Variants in RUNX1 observed in about 807,000 individuals in gnomAD.
RUNX1 encodes RUNX family transcription factor 1.
RUNX1 carries 19 observed loss-of-function variants against 42.8 expected under a neutral mutation model. That is an observed-to-expected ratio of 0.44 (90% confidence interval 0.31 to 0.65). The LOEUF (loss-of-function observed/expected upper bound fraction) is 0.65. RUNX1 is among the 30% of genes least tolerant of loss of function. The pLI, the probability that RUNX1 is intolerant of heterozygous loss-of-function variation, is 0.07. For missense variants in RUNX1, 528 were observed against 672.0 expected, an observed-to-expected ratio of 0.79 and a Z score of 2.37; for synonymous variants, 271 against 289.4, an observed-to-expected ratio of 0.94 and a Z score of 0.64.
At chr21:34,793,838 G>A (rs1171598075) in intron 8 of RUNX1, among the ~76,000 whole-genome samples, 2 of 152,036 alleles carry the variant, frequency 1.3e-5, no homozygotes, top group Non-Finnish European at 2.9e-5. Flanking sequence ...CGAGTAGCTG[G>A]GATTACAGGC....
At chr21:35,029,218 A>T (rs1290792573) in intron 2 of RUNX1, among the ~76,000 whole-genome samples, 2 of 152,198 alleles carry the variant, frequency 1.3e-5, no homozygotes, top group African/African-American at 2.4e-5. Context: ...AGTTAAAGGA[A>T]ATTTCAAGTG....
At chr21:34,850,927 C>A (rs911533000) in intron 6 of RUNX1, among the ~76,000 whole-genome samples, 3 of 152,196 alleles carry the variant, frequency 2.0e-5, no homozygotes, top group African/African-American at 7.2e-5. Context: ...TACCTGTCCT[C>A]TTTTGAGTAT....
intron 3 of RUNX1, among the ~76,000 whole-genome samples, chr21:34,892,552 A>G (rs2058091757): frequency 6.6e-6 from 1 of 152,212 alleles, no homozygotes; most frequent in African/African-American, 2.4e-5. Flanking sequence ...ATGCTTAGTA[A>G]ACATTTTACT....
intron 5 of RUNX1, among the ~76,000 whole-genome samples, chr21:34,877,338 G>T (rs2146340092): frequency 6.6e-6 from 1 of 152,156 alleles, no homozygotes; most frequent in African/African-American, 2.4e-5. Flanking sequence ...TCAATTTTTT[G>T]GGGGTGTCAT....
intron 5 of RUNX1, among the ~76,000 whole-genome samples, chr21:34,863,839 G>A (rs968975443): frequency 1.3e-5 from 2 of 151,950 alleles, no homozygotes; most frequent in African/African-American, 4.8e-5. Context: ...TTTAAGCACA[G>A]TCACAAGACA....
intron 4 of RUNX1, among the ~76,000 whole-genome samples, chr21:34,885,537 C>T (rs2057970569): frequency 6.6e-6 from 1 of 152,126 alleles, no homozygotes; most frequent in African/African-American, 2.4e-5. Flanking sequence ...GAAAAAGAGG[C>T]CAATCTATAG....
intron 2 of RUNX1, among the ~76,000 whole-genome samples, chr21:34,909,324 T>C (rs2058252320): frequency 6.6e-6 from 1 of 152,198 alleles, no homozygotes; most frequent in Non-Finnish European, 1.5e-5. Flanking sequence ...TGCTTGCTCA[T>C]ATCACTTATA....
At chr21:34,975,282 G>T (rs1431442258) in intron 2 of RUNX1, among the ~76,000 whole-genome samples, 1 of 152,208 alleles carries the variant, frequency 6.6e-6, no homozygotes, top group Non-Finnish European at 1.5e-5. Context: ...AAGAAGCTCT[G>T]CTCTGCTTCT....
chr21:34,915,150 CTTT>C (rs949875592), intron 2 of RUNX1, among the ~76,000 whole-genome samples: 1 of 151,538 alleles, frequency 6.6e-6, no homozygotes, highest in African/African-American at 2.4e-5. Context: ...AGGACTTGAA[CTTT>C]TTTTTTAATT....
At chr21:34,968,742 G>A (rs904414263) in intron 2 of RUNX1, among the ~76,000 whole-genome samples, 3 of 152,068 alleles carry the variant, frequency 2.0e-5, no homozygotes, top group Non-Finnish European at 4.4e-5. Flanking sequence ...TGAGCAGGTG[G>A]TCTGATCTGT....
intron 2 of RUNX1, among the ~76,000 whole-genome samples, chr21:34,946,727 C>T (rs949235498): frequency 2.0e-5 from 3 of 152,138 alleles, no homozygotes; most frequent in African/African-American, 7.2e-5. Context: ...TCAGGGCTGT[C>T]TGGTGACCTA....
intron 8 of RUNX1, chr21:34,797,986 GCCCC>G: frequency 2.2e-6 from 1 of 456,264 alleles, no homozygotes; most frequent in South Asian, 1.5e-5. Flanking sequence ...GAATTATTTG[GCCCC>G]AAATGTCAAT....
intron 7 of RUNX1, among the ~76,000 whole-genome samples, chr21:34,825,312 C>T (rs1000400779): frequency 6.6e-6 from 1 of 152,184 alleles, no homozygotes; most frequent in African/African-American, 2.4e-5. Context: ...ACCTGGGCCT[C>T]CTGTTTCCCC....
chr21:34,978,558 C>T (rs374447100), intron 2 of RUNX1, among the ~76,000 whole-genome samples: 1 of 152,146 alleles, frequency 6.6e-6, no homozygotes, highest in East Asian at 1.9e-4. Context: ...CACTGGGAGA[C>T]CATTACTTTA....
intron 2 of RUNX1, among the ~76,000 whole-genome samples, chr21:35,047,545 A>ACTCT (rs2059406132): frequency 7.7e-5 from 10 of 129,572 alleles, no homozygotes; most frequent in Non-Finnish European, 9.8e-5. Flanking sequence ...ACACACACAC[A>ACTCT]CACACACACA....
chr21:34,939,781 G>A (rs1569115212), intron 2 of RUNX1, among the ~76,000 whole-genome samples: 1 of 152,210 alleles, frequency 6.6e-6, no homozygotes, highest in Admixed American at 6.5e-5. Flanking sequence ...GCGTCTATAA[G>A]AGTGGTTTGG....
intron 2 of RUNX1, among the ~76,000 whole-genome samples, chr21:35,046,787 C>A: frequency 1.3e-5 from 2 of 152,132 alleles, no homozygotes. Flanking sequence ...ATTATATTAC[C>A]AAATTAGAGA....
rs938065676 is a variant in RUNX1 at position 34,859,529 on chromosome 21, G to A, written c.558C>T (p.Val186=). 6.8e-6 allele frequency: 11 copies of A among 1,614,074 alleles called. No homozygotes were observed. The highest frequency in any genetic ancestry group is 2.2e-5 in the East Asian group (1 of 44,892). ...TTTTGATGGCTCTGTGGTAGGTGGC[G>A]ACTTGCGGTGGGTTTGTGAAGACAG... is the stretch of plus-strand genomic sequence containing the variant. ...TITVFTNPPQ[V]ATYHRAIKIT... The change falls in exon 6 of 9, where the codon GTC becomes GTT. Residue 186 remains valine, a synonymous_variant. Coordinates refer to ENST00000675419, the MANE Select transcript of RUNX1 (RefSeq NM_001754.5).
intron 2 of RUNX1, among the ~76,000 whole-genome samples, chr21:35,028,144 C>G (rs75967349): frequency 0.032 from 4,861 of 152,248 alleles, 94 homozygotes; most frequent in Non-Finnish European, 0.048. Context: ...TAGACTTCAT[C>G]AAAACCAGTC....
Sources: gnomAD v4.1 joint callset for allele counts (sites outside exome capture counted in the v4.1 genomes callset) on GRCh38, gnomAD v4.1.1 for gene constraint, MANE v1.5 for transcripts, NCBI Gene and HGNC (gene_info 2026-07-23, HGNC 2026-07-21) for gene names.